CDH18: variants seen among roughly 807,000 people sequenced by gnomAD.
CDH18 encodes cadherin-18.
CDH18 carries 31 observed loss-of-function variants against 67.9 expected under a neutral mutation model. The observed-to-expected ratio is 0.46, with a 90% CI of 0.34 to 0.62. The LOEUF (loss-of-function observed/expected upper bound fraction) is 0.62. Ranked by LOEUF, CDH18 falls within the 20% of genes least tolerant of loss-of-function variation. CDH18 has a pLI of 0.01. For missense variants in CDH18, 890 were observed against 975.5 expected, an observed-to-expected ratio of 0.91 and a Z score of 1.17; for synonymous variants, 362 against 347.2, an observed-to-expected ratio of 1.04 and a Z score of -0.48.
intron 1 of CDH18, among the ~76,000 whole-genome samples, chr5:20,415,162 G>A (rs1747184967): frequency 6.6e-6 from 1 of 151,796 alleles, no homozygotes; most frequent in Non-Finnish European, 1.5e-5. Flanking sequence ...GAGGCGGGTG[G>A]ATTCCCTGAG....
At chr5:19,761,097 AG>A (rs1286007024) in intron 3 of CDH18, among the ~76,000 whole-genome samples, 1 of 152,140 alleles carries the variant, frequency 6.6e-6, no homozygotes, top group African/African-American at 2.4e-5. Flanking sequence ...ATTTAACAGT[AG>A]ATACCTGGCG....
At chr5:19,839,933 A>G (rs1782084388) in intron 2 of CDH18, among the ~76,000 whole-genome samples, 1 of 152,004 alleles carries the variant, frequency 6.6e-6, no homozygotes, top group Non-Finnish European at 1.5e-5. Context: ...CGGTAAATAA[A>G]CAGAGGAAAA....
chr5:20,003,759 G>A (rs1214185053), intron 2 of CDH18, among the ~76,000 whole-genome samples: 1 of 152,044 alleles, frequency 6.6e-6, no homozygotes, highest in African/African-American at 2.4e-5. Flanking sequence ...TTAGCCGGGC[G>A]TGGTGGCGGG....
intron 8 of CDH18, among the ~76,000 whole-genome samples, chr5:19,562,996 C>T (rs1238445084): frequency 6.6e-6 from 1 of 152,042 alleles, no homozygotes; most frequent in African/African-American, 2.4e-5. Flanking sequence ...TACTAAGATG[C>T]TAAAGTTAAA....
At chr5:20,423,954 A>C (rs1489302681) in intron 1 of CDH18, among the ~76,000 whole-genome samples, 2 of 95,564 alleles carry the variant, frequency 2.1e-5, no homozygotes, top group Non-Finnish European at 2.4e-5. Flanking sequence ...CTCAAAAAAA[A>C]AAAAAAAAAA....
intron 6 of CDH18, among the ~76,000 whole-genome samples, chr5:19,608,396 C>G (rs1748415271): frequency 6.6e-6 from 1 of 151,330 alleles, no homozygotes; most frequent in Admixed American, 6.6e-5. Context: ...AAGGGAGAAG[C>G]TTTGTTTTCT....
chr5:19,993,417 A>G (rs949138528), intron 2 of CDH18, among the ~76,000 whole-genome samples: 2 of 152,132 alleles, frequency 1.3e-5, no homozygotes, highest in African/African-American at 4.8e-5. Context: ...AATTACAAAA[A>G]TATTGAGAAC....
At chr5:20,075,387 C>T (rs932905118) in intron 2 of CDH18, among the ~76,000 whole-genome samples, 1 of 152,004 alleles carries the variant, frequency 6.6e-6, no homozygotes, top group Non-Finnish European at 1.5e-5. Flanking sequence ...GCTGTAGCCC[C>T]AGCTACTTGG....
chr5:19,897,202 C>A (rs532665337), intron 2 of CDH18, among the ~76,000 whole-genome samples: 1 of 152,022 alleles, frequency 6.6e-6, no homozygotes, highest in East Asian at 1.9e-4. Flanking sequence ...ACAAATTCCT[C>A]ATATAAAGAG....
At chr5:20,465,524 T>C (rs1751575386) in intron 1 of CDH18, among the ~76,000 whole-genome samples, 1 of 152,002 alleles carries the variant, frequency 6.6e-6, no homozygotes, top group Admixed American at 6.6e-5. Flanking sequence ...CAAGGTATAT[T>C]TAAAATTTGT....
At chr5:19,662,044 T>G (rs912744032) in intron 5 of CDH18, among the ~76,000 whole-genome samples, 1 of 151,908 alleles carries the variant, frequency 6.6e-6, no homozygotes, top group African/African-American at 2.4e-5. Context: ...ACCGTGCCCA[T>G]AGGGTGAACT....
intron 1 of CDH18, among the ~76,000 whole-genome samples, chr5:19,983,672 T>A (rs1300911608): frequency 6.6e-6 from 1 of 152,156 alleles, no homozygotes; most frequent in Non-Finnish European, 1.5e-5. Flanking sequence ...TCTGAGCATG[T>A]CAGGGTGCAC....
At chr5:20,433,231 A>AATAT (rs149634704) in intron 1 of CDH18, among the ~76,000 whole-genome samples, 1,761 of 149,488 alleles carry the variant, frequency 0.012, 16 homozygotes, top group African/African-American at 0.015. Context: ...GTTAAGGTAA[A>AATAT]ATATATATAT....
chr5:20,224,461 T>A lies in CDH18; in HGVS notation c.-518+30983A>T, dbSNP rs76138758. ...TTCATAACATGAATATGTTTTTTAA[T>A]GGTTATATGAGTGTGCACCAATGAG... On this transcript the variant is annotated intron_variant, in intron 2 of 14. Coordinates refer to the CDH18 transcript ENST00000507958. Among the ~76,000 whole-genome samples the A allele has an allele frequency of 5.6e-3, 853 of 152,036 alleles. 9 individuals carry two copies. Among genetic ancestry groups the A allele is most frequent in the African/African-American group, 0.02 (817 of 41,528 alleles).
At chr5:19,941,273 T>C (rs1579708674) in intron 2 of CDH18, among the ~76,000 whole-genome samples, 1 of 152,108 alleles carries the variant, frequency 6.6e-6, no homozygotes, top group Non-Finnish European at 1.5e-5. Flanking sequence ...GACCTTAAAC[T>C]CCTCAGCCTC....
chr5:19,963,018 T>C (rs894425114), intron 2 of CDH18, among the ~76,000 whole-genome samples: 7 of 152,112 alleles, frequency 4.6e-5, no homozygotes, highest in Admixed American at 3.3e-4. Context: ...TATTCTCTTA[T>C]TTCTAGTTTA....
At chr5:20,091,741 C>A (rs1048373626) in intron 2 of CDH18, among the ~76,000 whole-genome samples, 3 of 151,364 alleles carry the variant, frequency 2.0e-5, no homozygotes, top group African/African-American at 4.9e-5. Context: ...TTTTATAATA[C>A]TAGGATATTT....
intron 2 of CDH18, among the ~76,000 whole-genome samples, chr5:20,249,851 G>T (rs1243481049): frequency 6.6e-6 from 1 of 152,120 alleles, no homozygotes; most frequent in Non-Finnish European, 1.5e-5. Context: ...GGTTATAAAT[G>T]AGAAGAAGAG....
At chr5:20,182,247 G>C (rs977359158) in intron 2 of CDH18, among the ~76,000 whole-genome samples, 2 of 151,722 alleles carry the variant, frequency 1.3e-5, no homozygotes, top group Non-Finnish European at 2.9e-5. Context: ...TGTAAATTGG[G>C]CACCTAAAAA....
Sources: gnomAD v4.1 joint callset for allele counts (sites outside exome capture counted in the v4.1 genomes callset) on GRCh38, gnomAD v4.1.1 for gene constraint, MANE v1.5 for transcripts, NCBI Gene and HGNC (gene_info 2026-07-23, HGNC 2026-07-21) for gene names.